ROBO1: variants seen among roughly 807,000 people sequenced by gnomAD.
ROBO1 encodes the protein roundabout guidance receptor 1.
A neutral mutation model predicts 195.9 loss-of-function variants in ROBO1; 149 were observed. The observed-to-expected ratio is 0.76, with a 90% CI of 0.67 to 0.87. The LOEUF (loss-of-function observed/expected upper bound fraction) is 0.87, where lower values mean the gene tolerates loss of function less well. Ranked by LOEUF, ROBO1 falls within the 40% of genes least tolerant of loss-of-function variation. The pLI, the probability that ROBO1 is intolerant of heterozygous loss-of-function variation, is 0.00. For missense variants in ROBO1, 1,933 were observed against 2,068.3 expected (o/e 0.93, Z 1.27); for synonymous variants, 816 against 733.2 (o/e 1.11, Z -1.82).
chr3:78,682,322 AAAGAC>A (rs2080936060), intron 10 of ROBO1, among the ~76,000 whole-genome samples: 5 of 151,742 alleles, frequency 3.3e-5, no homozygotes, highest in Non-Finnish European at 7.4e-5. Flanking sequence ...ATAAATATTG[AAAGAC>A]ATAAAACTGT....
At chr3:78,993,986 G>C (rs2077298804) in intron 3 of ROBO1, among the ~76,000 whole-genome samples, 1 of 150,718 alleles carries the variant, frequency 6.6e-6, no homozygotes, top group African/African-American at 2.5e-5. Flanking sequence ...CTAGATACCA[G>C]CTTTAAAAAA....
rs951581059 is a variant in ROBO1, at chr3:79,661,430, A to G, written c.-50-71469T>C. Among the ~76,000 whole-genome samples the G allele has an allele frequency of 5.9e-5, 9 of 152,106 alleles. 1 individual carries two copies. Among genetic ancestry groups the G allele is most frequent in the Admixed American group, 5.2e-4 (8 of 15,242 alleles). Reference sequence around the variant, plus strand: ...CATTGCAGATTATTTTAGTCTTACTAAAGTGTTTTTGTATGATTAAAACCC... The same window carrying G: ...CATTGCAGATTATTTTAGTCTTACTGAAGTGTTTTTGTATGATTAAAACCC... On this transcript the variant is annotated intron_variant, in intron 1 of 30. Transcript: ENST00000464233.
At chr3:79,618,948 G>T (rs138029914) in intron 1 of ROBO1, among the ~76,000 whole-genome samples, 12 of 152,124 alleles carry the variant, frequency 7.9e-5, no homozygotes, top group Non-Finnish European at 1.6e-4. Context: ...AAACTCCAGC[G>T]CCAGTCACGA....
At chr3:79,270,199 C>CTCTCTT (rs1553710482) in intron 2 of ROBO1, among the ~76,000 whole-genome samples, 1 of 150,894 alleles carries the variant, frequency 6.6e-6, no homozygotes, top group Admixed American at 6.6e-5. Context: ...CTCTCTCTCT[C>CTCTCTT]TCTCTCTCTC....
At chr3:79,660,956 A>G (rs912829152) in intron 1 of ROBO1, among the ~76,000 whole-genome samples, 4 of 152,140 alleles carry the variant, frequency 2.6e-5, no homozygotes, top group Non-Finnish European at 5.9e-5. Context: ...TTTGGGCTAT[A>G]GTTTATCCTT....
chr3:78,634,052 T>C lies in ROBO1; in HGVS notation c.3374-10A>G. ...TCATTTGCTCGATAATCTAGACATA[T>C]CAGATGAAAAAACAATAAACATTTA... On this transcript the variant is annotated splice_polypyrimidine_tract_variant and intron_variant, in intron 23 of 30. Coordinates refer to ENST00000464233, the MANE Select transcript of ROBO1 (RefSeq NM_002941.4). 1 of 1,550,934 alleles carries C rather than the reference T, an allele frequency of 6.4e-7. No homozygotes were observed. Among genetic ancestry groups the C allele is most frequent in the East Asian group, 2.3e-5 (1 of 44,304 alleles).
intron 1 of ROBO1, among the ~76,000 whole-genome samples, chr3:79,638,956 T>C (rs1945576690): frequency 6.6e-6 from 1 of 152,192 alleles, no homozygotes; most frequent in African/African-American, 2.4e-5. Flanking sequence ...CTGCTATAAA[T>C]GTATCTTTGT....
At chr3:79,382,042 T>G (rs2036592669) in intron 2 of ROBO1, among the ~76,000 whole-genome samples, 1 of 152,156 alleles carries the variant, frequency 6.6e-6, no homozygotes, top group South Asian at 2.1e-4. Flanking sequence ...CTAGTCTAGC[T>G]GTTATCACCT....
chr3:78,936,376 A>T (rs2039808683), intron 4 of ROBO1, among the ~76,000 whole-genome samples: 2 of 152,004 alleles, frequency 1.3e-5, no homozygotes, highest in Admixed American at 1.3e-4. Context: ...ACTTTTCGTT[A>T]ATGTTTTTAC....
At chr3:79,456,232 T>C (rs946755470) in intron 2 of ROBO1, among the ~76,000 whole-genome samples, 27 of 152,270 alleles carry the variant, frequency 1.8e-4, no homozygotes, top group African/African-American at 6.0e-4. Context: ...CTGTCAAGCA[T>C]TTGGTCCTTT....
chr3:79,371,577 A>G (rs2036194440), intron 2 of ROBO1, among the ~76,000 whole-genome samples: 1 of 152,132 alleles, frequency 6.6e-6, no homozygotes, highest in Non-Finnish European at 1.5e-5. Context: ...GAATACCAAA[A>G]TGCACATGTA....
At chr3:78,696,223 A>T (rs1166508767) in intron 8 of ROBO1, among the ~76,000 whole-genome samples, 1 of 151,154 alleles carries the variant, frequency 6.6e-6, no homozygotes, top group Non-Finnish European at 1.5e-5. Flanking sequence ...TATCCTTCTC[A>T]TAGCCCTTCT....
intron 1 of ROBO1, among the ~76,000 whole-genome samples, chr3:79,673,877 A>G (rs1260463284): frequency 2.6e-5 from 4 of 151,994 alleles, no homozygotes; most frequent in Admixed American, 6.6e-5. Flanking sequence ...GTGGATTACC[A>G]TAAGCTCAGA....
intron 3 of ROBO1, among the ~76,000 whole-genome samples, chr3:79,109,683 T>C (rs575838669): frequency 1.3e-5 from 2 of 152,208 alleles, no homozygotes; most frequent in Non-Finnish European, 2.9e-5. Context: ...TTTTAAACAT[T>C]TTATTAGAAC....
At chr3:79,638,117 A>C (rs964932981) in intron 1 of ROBO1, among the ~76,000 whole-genome samples, 4 of 152,210 alleles carry the variant, frequency 2.6e-5, no homozygotes, top group African/African-American at 9.6e-5. Context: ...TAGGAAAGTA[A>C]GACAAACATT....
At chr3:79,105,757 A>G (rs965265784) in intron 3 of ROBO1, among the ~76,000 whole-genome samples, 1 of 151,812 alleles carries the variant, frequency 6.6e-6, no homozygotes, top group South Asian at 2.1e-4. Context: ...TATGTAATGA[A>G]AAGAGTATAC....
chr3:79,608,880 G>A (rs1013892997), intron 1 of ROBO1, among the ~76,000 whole-genome samples: 2 of 151,856 alleles, frequency 1.3e-5, no homozygotes, highest in African/African-American at 2.4e-5. Context: ...CAATGTAATG[G>A]TATTAAAAGA....
intron 3 of ROBO1, among the ~76,000 whole-genome samples, chr3:79,093,132 C>A (rs1251558762): frequency 6.6e-6 from 1 of 151,936 alleles, no homozygotes; most frequent in African/African-American, 2.4e-5. Context: ...TGTTTTTTGC[C>A]TTTTTGGTCA....
At chr3:79,375,667 C>T (rs1474227947) in intron 2 of ROBO1, among the ~76,000 whole-genome samples, 1 of 152,126 alleles carries the variant, frequency 6.6e-6, no homozygotes, top group East Asian at 1.9e-4. Context: ...TGGAAATATC[C>T]CTGGAGGAGA....
Sources: allele counts gnomAD v4.1 joint callset (sites outside exome capture counted in the v4.1 genomes callset), GRCh38; gene constraint gnomAD v4.1.1; transcripts MANE v1.5; gene names NCBI Gene and HGNC (gene_info 2026-07-23, HGNC 2026-07-21).